SFMBT2: variants seen among roughly 807,000 people sequenced by gnomAD.
The protein encoded by SFMBT2 is scm-like with four MBT domains protein 2.
SFMBT2 carries 38 observed loss-of-function variants against 110.1 expected under a neutral mutation model. That is an observed-to-expected ratio of 0.35 (90% CI 0.27 to 0.45). SFMBT2 has a LOEUF of 0.45. Among genes scored for constraint, SFMBT2 ranks in the 20% least tolerant of loss-of-function variants. SFMBT2 has a pLI of 1.00. For missense variants in SFMBT2, 1,011 were observed against 1,094.9 expected, an observed-to-expected ratio of 0.92 and a Z score of 1.08; for synonymous variants, 425 against 425.4, an observed-to-expected ratio of 1.00 and a Z score of 0.01.
chr10:7,197,596 C>T lies in SFMBT2; in HGVS notation c.1650G>A (p.Glu550=), dbSNP rs1838818084. 1 of 1,614,238 alleles carries T rather than the reference C, an allele frequency of 6.2e-7. No homozygotes were observed. Among genetic ancestry groups the T allele is most frequent in the Non-Finnish European group, 8.5e-7 (1 of 1,180,036 alleles). Residue 550 remains glutamate (E), a synonymous_variant, in exon 15 of 21, where the codon GAG becomes GAA. Coordinates refer to ENST00000397167, the MANE Select transcript of SFMBT2 (RefSeq NM_001387889.1). ...TGCCCGGTCCCACCGACTGAGGTAGCTCTGCAATCCTTCCTTTGTTCAGGT... is the reference window on the plus strand; with the variant it reads ...TGCCCGGTCCCACCGACTGAGGTAGTTCTGCAATCCTTCCTTTGTTCAGGT... ...GPYLNKGRIA[E]LPQSVGPGKC... is the part of the protein sequence containing the mutation.
chr10:7,375,751 CCA>C (rs35306837), intron 2 of SFMBT2, among the ~76,000 whole-genome samples: 25,119 of 124,346 alleles, frequency 0.2, 2,342 homozygotes, highest in Middle Eastern at 0.23. Flanking sequence ...AAAGAAAAAA[CCA>C]CACACACACA....
At chr10:7,242,582 A>G (rs1840468472) in intron 9 of SFMBT2, among the ~76,000 whole-genome samples, 1 of 152,222 alleles carries the variant, frequency 6.6e-6, no homozygotes, top group Non-Finnish European at 1.5e-5. Context: ...TAACCCAAAG[A>G]GTTGAAAGCT....
At chr10:7,338,899 G>A (rs1021163970) in intron 4 of SFMBT2, among the ~76,000 whole-genome samples, 1 of 152,146 alleles carries the variant, frequency 6.6e-6, no homozygotes, top group Non-Finnish European at 1.5e-5. Context: ...GGTAATGTCT[G>A]CTGTTCAGGT....
At chr10:7,228,738 TTCTCTCTCTCTCTCTCTCTC>T (rs56871421) in intron 9 of SFMBT2, among the ~76,000 whole-genome samples, 4 of 62,522 alleles carry the variant, frequency 6.4e-5, no homozygotes, top group East Asian at 5.0e-4. Context: ...TTTCTTTCCT[TTCTCTCTCTCTCTCTCTCTC>T]TCTCTCTCTC....
At chr10:7,322,879 A>C (rs1051937385) in intron 4 of SFMBT2, among the ~76,000 whole-genome samples, 2 of 152,242 alleles carry the variant, frequency 1.3e-5, no homozygotes, top group African/African-American at 2.4e-5. Context: ...TGGCTAGATG[A>C]TAACCACTGT....
intron 4 of SFMBT2, among the ~76,000 whole-genome samples, chr10:7,318,890 GA>G (rs1460804100): frequency 6.6e-6 from 1 of 152,204 alleles, no homozygotes; most frequent in Non-Finnish European, 1.5e-5. Flanking sequence ...AGACTTAAAG[GA>G]ATTGAGAGTA....
chr10:7,164,256 G>A (rs1054237796), intron 20 of SFMBT2: 1 of 609,180 alleles, frequency 1.6e-6, no homozygotes, highest in South Asian at 7.2e-5. Context: ...GCATGGTGGT[G>A]CAAACCTGTG....
Position 7,301,722 on chromosome 10 carries a change from A to G in SFMBT2, c.437-15768T>C, listed in dbSNP as rs542355375. Among the ~76,000 whole-genome samples the G allele has an allele frequency of 5.2e-4, 79 of 152,320 alleles. No homozygotes were observed. The highest frequency in any genetic ancestry group is 7.6e-4 in the Non-Finnish European group (52 of 68,032). ...TGGTATTTCTTGACATGGGCTCCCC[A>G]GAAGTCACCTAGTATGAGAGCCACG... On this transcript the variant is annotated intron_variant, in intron 4 of 20. Coordinates refer to ENST00000397167, the MANE Select transcript of SFMBT2 (RefSeq NM_001387889.1). This position sits in a 1 kb window ranked among gnomAD's most constrained non-coding sequence, Gnocchi z 4.2.
chr10:7,180,133 C>T lies in SFMBT2; in HGVS notation c.1809-3968G>A, dbSNP rs9423772. Reference sequence around the variant, plus strand: ...TTTTATTTAGGTTTGCTTTTTTTTGCTTTTTTTGAGACAGGGTCTCACTTA... The same window carrying T: ...TTTTATTTAGGTTTGCTTTTTTTTGTTTTTTTTGAGACAGGGTCTCACTTA... On this transcript the variant is annotated intron_variant, in intron 16 of 20. Coordinates refer to ENST00000397167, the MANE Select transcript of SFMBT2 (RefSeq NM_001387889.1). 2.2e-3 allele frequency among the ~76,000 whole-genome samples: 283 copies of T among 128,994 alleles called. 7 individuals are homozygous for T. The highest frequency in any genetic ancestry group is 4.2e-3 in the Middle Eastern group (1 of 238). 84.6% of individuals were successfully genotyped at this position (128,994 alleles called of 152,430 possible).
intron 4 of SFMBT2, among the ~76,000 whole-genome samples, chr10:7,353,416 A>T (rs1031343004): frequency 6.6e-6 from 1 of 152,168 alleles, no homozygotes; most frequent in Non-Finnish European, 1.5e-5. Context: ...CAATGACGGA[A>T]ACAGAAACTC....
At position 7,298,770 on chromosome 10, in the gene SFMBT2, C is replaced by CGT. The variant is rs920024680; in HGVS notation, c.437-12818_437-12817dup. ...ATGTGTGTGTGCATATGTGTGTGTT[C>CGT]GTGTGTGTGTGTGTATATGTGTGTC... is the stretch of plus-strand genomic sequence containing the variant. On this transcript the variant is annotated intron_variant, in intron 4 of 20. Transcript: ENST00000397167. Among the ~76,000 whole-genome samples the CGT allele has an allele frequency of 4.7e-4, 71 of 151,016 alleles. 1 individual carries two copies. Among genetic ancestry groups the CGT allele is most frequent in the Admixed American group, 5.3e-4 (8 of 15,158 alleles).
intron 4 of SFMBT2, among the ~76,000 whole-genome samples, chr10:7,346,867 T>C (rs903460860): frequency 2.7e-5 from 4 of 148,990 alleles, no homozygotes; most frequent in Non-Finnish European, 5.9e-5. Context: ...GCGCCTGTAA[T>C]CCCAGCTACT....
intron 8 of SFMBT2, chr10:7,244,008 G>A (rs1588377766): frequency 1.6e-6 from 1 of 628,658 alleles, no homozygotes; most frequent in Non-Finnish European, 2.0e-6. Flanking sequence ...AATGAATGGA[G>A]GAAGTCAGAC....
intron 11 of SFMBT2, among the ~76,000 whole-genome samples, chr10:7,216,367 C>T (rs1235863518): frequency 6.6e-6 from 1 of 152,214 alleles, no homozygotes; most frequent in Non-Finnish European, 1.5e-5. Context: ...ACAAGTCTCA[C>T]AAGATCTGAT....
At chr10:7,250,184 T>C (rs1222733496) in intron 7 of SFMBT2, among the ~76,000 whole-genome samples, 1 of 152,228 alleles carries the variant, frequency 6.6e-6, no homozygotes. Flanking sequence ...GGGCATACTA[T>C]ACTCAGGTAG....
chr10:7,280,473 AAG>A (rs1387854096), intron 6 of SFMBT2, among the ~76,000 whole-genome samples: 1 of 152,184 alleles, frequency 6.6e-6, no homozygotes, highest in Non-Finnish European at 1.5e-5. Context: ...GAAACTCAAA[AAG>A]TTTCATCTCC....
At chr10:7,274,145 T>G (rs1841692252) in intron 7 of SFMBT2, among the ~76,000 whole-genome samples, 1 of 152,224 alleles carries the variant, frequency 6.6e-6, no homozygotes, top group Admixed American at 6.5e-5. Context: ...TGAGAGTTCA[T>G]GCTGCAACTT....
intron 7 of SFMBT2, among the ~76,000 whole-genome samples, chr10:7,272,473 G>T (rs1044574425): frequency 1.3e-5 from 2 of 152,184 alleles, no homozygotes; most frequent in African/African-American, 4.8e-5. Context: ...AAACCGGGGG[G>T]TTGACAGGAG....
chr10:7,371,627 A>G lies in SFMBT2; in HGVS notation c.101-1252T>C, dbSNP rs539470288. 5.9e-5 allele frequency among the ~76,000 whole-genome samples: 9 copies of G among 152,362 alleles called. No individual in the cohort carries two copies. The South Asian group carries it at 1.9e-3, about 32-fold the overall frequency. ...ATAATAAGCTGTAAACATTATTTGA[A>G]CCAATTGGCAAGGCCATGATAAGAA... is the stretch of plus-strand genomic sequence containing the variant. On this transcript the variant is annotated intron_variant, in intron 2 of 20. Coordinates refer to ENST00000397167, the MANE Select transcript of SFMBT2 (RefSeq NM_001387889.1).
Sources: gnomAD v4.1 joint callset for allele counts (sites outside exome capture counted in the v4.1 genomes callset) on GRCh38, gnomAD v4.1.1 for gene constraint, Gnocchi (gnomAD v3.1) non-coding constraint, MANE v1.5 for transcripts, NCBI Gene and HGNC (gene_info 2026-07-23, HGNC 2026-07-21) for gene names.